The following ZNF333 variants were observed in gnomAD, a reference collection of about 807,000 sequenced individuals.
The protein encoded by ZNF333 is zinc finger protein 333.
In ZNF333, 61 loss-of-function variants were observed where a neutral mutation model predicts 76.1. The ratio of observed to expected loss-of-function variants is 0.80; its 90% CI spans 0.65 to 0.99. ZNF333 has a LOEUF of 0.99. Ranked by LOEUF, ZNF333 falls within the 50% of genes least tolerant of loss-of-function variation. ZNF333 has a pLI of 0.00. For missense variants in ZNF333, 717 were observed against 822.4 expected (o/e 0.87, Z 1.57); for synonymous variants, 284 against 305.0 (o/e 0.93, Z 0.72).
chr19:14,730,567 G>A (rs966483934), intron 11 of ZNF333, among the ~76,000 whole-genome samples: 7 of 148,750 alleles, frequency 4.7e-5, no homozygotes, highest in African/African-American at 1.7e-4. Context: ...GTAAATTTAA[G>A]AGTTTATTAT....
chr19:14,723,081 C>A (rs1642550042), downstream of ZNF333, among the ~76,000 whole-genome samples: 1 of 152,198 alleles, frequency 6.6e-6, no homozygotes, highest in African/African-American at 2.4e-5. Context: ...CCACCATGCC[C>A]AGCCAAGTTA....
chr19:14,705,862 A>G (rs1452061449), intron 6 of ZNF333, among the ~76,000 whole-genome samples: 2 of 151,958 alleles, frequency 1.3e-5, no homozygotes, highest in East Asian at 1.9e-4. Context: ...CCATACCCCT[A>G]CCCTGCTTTG....
chr19:14,722,931 G>T (rs941301448), downstream of ZNF333, among the ~76,000 whole-genome samples: 1 of 152,102 alleles, frequency 6.6e-6, no homozygotes, highest in Admixed American at 6.6e-5. Context: ...GACTACAGGC[G>T]CATACCACCA....
At chr19:14,694,094 GA>G (rs1274404931) in intron 2 of ZNF333, among the ~76,000 whole-genome samples, 5 of 152,046 alleles carry the variant, frequency 3.3e-5, no homozygotes, top group African/African-American at 1.2e-4. Flanking sequence ...CCCCTTTCTG[GA>G]AAGCACAGGC....
chr19:14,715,466 C>A lies in ZNF333; in HGVS notation c.596C>A (p.Ser199Ter). The A allele has an allele frequency of 6.2e-7, 1 of 1,613,770 alleles. No individual in the cohort carries two copies. The highest frequency in any genetic ancestry group is 1.1e-5 in the South Asian group (1 of 91,018). The change falls in exon 8 of 12, where the codon TCA (serine) becomes TAA (stop). Residue 199 changes from serine to a stop codon, truncating the protein, a stop_gained. Coordinates refer to ENST00000292530, the MANE Select transcript of ZNF333 (RefSeq NM_032433.4). LOFTEE classifies it high-confidence loss of function. ...AMAPGLPTAC[S>*]QEPVTFADVA... ...GCTCCTGGGCTGCCAACCGCCTGTTCACAGGTAGGTAAGAACTTCTTGTTC... is the reference window on the plus strand; with the variant it reads ...GCTCCTGGGCTGCCAACCGCCTGTTAACAGGTAGGTAAGAACTTCTTGTTC...
exon 12 of ZNF333, chr19:14,731,459 C>G (rs1009270222): frequency 2.0e-6 from 1 of 488,858 alleles, no homozygotes; most frequent in South Asian, 3.0e-5. Flanking sequence ...CTTTGTTTCC[C>G]CAGCCGTGCA....
At chr19:14,716,866 C>G (rs1185838558) in intron 9 of ZNF333, 128 bp from the exon 10 acceptor site, 1 of 746,616 alleles carries the variant, frequency 1.3e-6, no homozygotes, top group African/African-American at 1.8e-5. Context: ...TGGCTGTGGC[C>G]ATCAGAATTT....
chr19:14,696,756 T>G (rs1362950529), intron 4 of ZNF333, among the ~76,000 whole-genome samples: 5 of 64,306 alleles, frequency 7.8e-5, no homozygotes, highest in South Asian at 6.7e-4. Flanking sequence ...TTTTTTTTTT[T>G]GGGACAGAGT....
At chr19:14,712,465 C>T (rs2042305553) in intron 7 of ZNF333, among the ~76,000 whole-genome samples, 2 of 152,160 alleles carry the variant, frequency 1.3e-5, no homozygotes, top group Non-Finnish European at 2.9e-5. Context: ...AATGATAATG[C>T]TGGCCTCTGC....
intron 5 of ZNF333, among the ~76,000 whole-genome samples, chr19:14,703,994 T>G (rs894848650): frequency 7.9e-5 from 12 of 152,332 alleles, no homozygotes; most frequent in East Asian, 3.9e-4. Context: ...CTCACCCTTA[T>G]GGAGGCTGGA....
chr19:14,707,241 A>G (rs1368289994), intron 7 of ZNF333: 3 of 14,760 alleles, frequency 2.0e-4, no homozygotes, highest in Non-Finnish European at 1.0e-4. Flanking sequence ...CCCTATTTCT[A>G]AAAAAAAAAA....
Position 14,721,627 on chromosome 19 carries a change from GTCC to G in ZNF333, c.*2303_*2305del, listed in dbSNP as rs2042588583. On this transcript the variant is annotated 3_prime_UTR_variant, in exon 12 of 12. Coordinates refer to ENST00000292530, the MANE Select transcript of ZNF333 (RefSeq NM_032433.4). The stretch of plus-strand genomic sequence containing the variant: ...TATGCTTTTTAATTGCTGTGTAATA[GTCC>G]ATAGTCTGAATATACCACAATTTAA... The G allele has an allele frequency of 6.6e-6, 1 of 152,058 alleles. No homozygotes were observed. Among genetic ancestry groups the G allele is most frequent in the Non-Finnish European group, 1.5e-5 (1 of 68,018 alleles). 9.4% of individuals were successfully genotyped at this position (152,058 alleles called of 1,614,324 possible). A position where few individuals can be genotyped will look rare whatever the true frequency, so the allele number is the denominator to read the frequency against.
At position 14,718,345 on chromosome 19, in the gene ZNF333, T is replaced by A. The variant is rs377386607; in HGVS notation, c.1018T>A (p.Cys340Ser). ...TCATGCTGGAGAGGCATCCTGTGAA[T>A]GTCAAGAGATTAGAAATTCCTTCTT... ...RIHAGEASCECQEIRNSFFQS... is the reference protein window; with the variant it reads ...RIHAGEASCESQEIRNSFFQS... Residue 340 changes from cysteine to serine, a missense_variant, in exon 12 of 12, where the codon TGT (cysteine) becomes AGT (serine). Coordinates refer to ENST00000292530, the MANE Select transcript of ZNF333 (RefSeq NM_032433.4). 6.2e-7 allele frequency: 1 copy of A among 1,614,240 alleles called. No individual in the cohort carries two copies. The highest frequency in any genetic ancestry group is 1.1e-5 in the South Asian group (1 of 91,088).
At chr19:14,709,439 T>C (rs1235763818) in intron 7 of ZNF333, among the ~76,000 whole-genome samples, 3 of 152,206 alleles carry the variant, frequency 2.0e-5, no homozygotes, top group Admixed American at 6.5e-5. Context: ...CTTCAAGATA[T>C]GAATTTTTGA....
At position 14,719,691 on chromosome 19, in the gene ZNF333, C is replaced by G; in HGVS notation, c.*366C>G. 9.8e-7 allele frequency: 1 copy of G among 1,017,058 alleles called. No individual in the cohort carries two copies. Among genetic ancestry groups the G allele is most frequent in the Non-Finnish European group, 1.2e-6 (1 of 850,876 alleles). The allele number at this position is 1,017,058 out of a possible 1,614,324, so 63.0% of individuals were successfully genotyped here. A position where few individuals can be genotyped will look rare whatever the true frequency, so the allele number is the denominator to read the frequency against. On this transcript the variant is annotated 3_prime_UTR_variant, in exon 12 of 12. Transcript: ENST00000292530. Reference sequence around the variant, plus strand: ...TGTTATATGGCTATTTCTTAGTTGCCTTTTTGTTGTTGGTTTCTAATTTAA... The same window carrying G: ...TGTTATATGGCTATTTCTTAGTTGCGTTTTTGTTGTTGGTTTCTAATTTAA...
At chr19:14,697,293 A>G (rs927683409) in intron 4 of ZNF333, among the ~76,000 whole-genome samples, 2 of 148,704 alleles carry the variant, frequency 1.3e-5, no homozygotes, top group South Asian at 4.3e-4. Flanking sequence ...GATTGTTTCT[A>G]CTTTTTAGCT....
At chr19:14,711,809 A>C (rs1483745786) in intron 7 of ZNF333, among the ~76,000 whole-genome samples, 1 of 152,142 alleles carries the variant, frequency 6.6e-6, no homozygotes, top group Non-Finnish European at 1.5e-5. Flanking sequence ...TATTCTTACA[A>C]AGCTTCCAAT....
intron 2 of ZNF333, among the ~76,000 whole-genome samples, chr19:14,694,090 T>C (rs975334143): frequency 6.6e-5 from 10 of 152,094 alleles, no homozygotes; most frequent in African/African-American, 2.4e-4. Flanking sequence ...GTAGCCCCTT[T>C]CTGGAAAGCA....
chr19:14,719,113 G>T lies in ZNF333; in HGVS notation c.1786G>T (p.Gly596Trp). The T allele has an allele frequency of 6.2e-7, 1 of 1,614,194 alleles. No individual in the cohort carries two copies. The highest frequency in any genetic ancestry group is 8.5e-7 in the Non-Finnish European group (1 of 1,180,016). The change falls in exon 12 of 12, where the codon GGG (glycine) becomes TGG (tryptophan). Residue 596 changes from glycine to tryptophan, a missense_variant. Transcript: ENST00000292530. Reference sequence around the variant, plus strand: ...GAAGCCCTATGCATGCCAGGAATGCGGGCGAGCCTTTGGTCAGTCTTCACA... The same window carrying T: ...GAAGCCCTATGCATGCCAGGAATGCTGGCGAGCCTTTGGTCAGTCTTCACA... ...GKKPYACQEC[G>W]RAFGQSSHLI...
Sources: gnomAD v4.1 joint callset for allele counts (sites outside exome capture counted in the v4.1 genomes callset) on GRCh38, gnomAD v4.1.1 for gene constraint, MANE v1.5 for transcripts, NCBI Gene and HGNC (gene_info 2026-07-23, HGNC 2026-07-21) for gene names.